Variants in PLAC1 observed in about 807,000 individuals in gnomAD.
The protein encoded by PLAC1 is placenta associated 1.
For synonymous variants in PLAC1, 68 were observed against 62.1 expected, an observed-to-expected ratio of 1.09 and a Z score of -0.44; for missense variants, 136 against 163.2, an observed-to-expected ratio of 0.83 and a Z score of 0.91.
chrX:134,653,515 G>A (rs2078374261), intron 1 of PLAC1, among the ~76,000 whole-genome samples: 1 of 111,654 alleles, frequency 9.0e-6, no homozygotes, highest in South Asian at 3.8e-4. Context: ...GCCATTGTGG[G>A]TCCCTAAAAT....
intron 2 of PLAC1, among the ~76,000 whole-genome samples, chrX:134,703,152 G>A (rs1013046748): frequency 8.9e-6 from 1 of 111,820 alleles, no homozygotes; most frequent in Admixed American, 9.5e-5. Flanking sequence ...TGAAAGCAAT[G>A]TATTATGAAT....
At chrX:134,636,218 A>G (rs1417047700) in intron 1 of PLAC1, among the ~76,000 whole-genome samples, 1 of 112,519 alleles carries the variant, frequency 8.9e-6, no homozygotes, top group Non-Finnish European at 1.9e-5. Context: ...CAATGCTTAC[A>G]GAAAGTAGCC....
chrX:134,569,597 C>T (rs2077894774), intron 2 of PLAC1, among the ~76,000 whole-genome samples: 2 of 111,218 alleles, frequency 1.8e-5, no homozygotes, highest in Admixed American at 1.9e-4. Context: ...AGGGGGAAAG[C>T]AGAATGTACT....
At chrX:134,738,071 G>A (rs752278900) in intron 1 of PLAC1, among the ~76,000 whole-genome samples, 42 of 111,759 alleles carry the variant, frequency 3.8e-4, no homozygotes, top group African/African-American at 1.3e-3. Context: ...GAGAGCCATC[G>A]GGGCTTCTTG....
At position 134,589,518 on chromosome X, in the gene PLAC1, C is replaced by T. The variant is rs189916260; in HGVS notation, c.-59+12533G>A. 1.4e-3 allele frequency among the ~76,000 whole-genome samples: 149 copies of T among 109,423 alleles called. No homozygotes were observed. The Middle Eastern group carries it at 0.076, about 56-fold the overall frequency. On this transcript the variant is annotated intron_variant, in intron 2 of 2. Coordinates refer to ENST00000359237, the MANE Select transcript of PLAC1 (RefSeq NM_021796.4). Reference sequence around the variant, plus strand: ...TTTGGGAGTGGATCACTTGAGGTCACGAGTTCGAGACCAGCCTGGCCAACA... The same window carrying T: ...TTTGGGAGTGGATCACTTGAGGTCATGAGTTCGAGACCAGCCTGGCCAACA...
intron 2 of PLAC1, chrX:134,601,611 C>G (rs1185649929): frequency 8.9e-6 from 1 of 112,303 alleles, no homozygotes; most frequent in African/African-American, 3.2e-5. Context: ...GCATTAGACT[C>G]TCTCCTGTTA....
chrX:134,622,829 C>T lies in PLAC1; in HGVS notation c.-130-20707G>A, dbSNP rs2078217882. On this transcript the variant is annotated intron_variant, in intron 1 of 2. Transcript: ENST00000359237. ...ATGACCTCTAAGGGTTCTTCCTGCT[C>T]TGGTGGTCTATGAAACAATCTAGGA... Among the ~76,000 whole-genome samples the T allele has an allele frequency of 2.7e-5, 3 of 111,981 alleles. No individual in the cohort carries two copies. The South Asian group carries it at 1.1e-3, about 42-fold the overall frequency.
intron 2 of PLAC1, among the ~76,000 whole-genome samples, chrX:134,676,008 G>A (rs970372902): frequency 2.7e-5 from 3 of 111,778 alleles, no homozygotes; most frequent in African/African-American, 9.8e-5. Flanking sequence ...ACCCTTCCAT[G>A]CCCCTTGCTG....
chrX:134,705,309 C>T (rs949095375), intron 2 of PLAC1, among the ~76,000 whole-genome samples: 1 of 103,588 alleles, frequency 9.7e-6, no homozygotes, highest in East Asian at 3.0e-4. Context: ...ATCCCAGCTA[C>T]TCGGGAGGCT....
At chrX:134,701,756 G>A (rs753114081) in intron 2 of PLAC1, among the ~76,000 whole-genome samples, 4 of 112,366 alleles carry the variant, frequency 3.6e-5, no homozygotes, top group Non-Finnish European at 7.5e-5. Context: ...AGTGGCTCAC[G>A]CCTGTAATCC....
chrX:134,663,206 T>G (rs949126392), upstream of PLAC1, among the ~76,000 whole-genome samples: 1 of 112,461 alleles, frequency 8.9e-6, no homozygotes, highest in African/African-American at 3.2e-5. Flanking sequence ...TTTGTTGTTT[T>G]GCTTTTGTCT....
chrX:134,744,966 G>T lies in PLAC1; in HGVS notation n.90-11447C>A, dbSNP rs753235459. Reference sequence around the variant, plus strand: ...CAGTCTCCCAGAGTCTCCACTGGGTGATCTGGGAGTCCCTGTCTCAAGGAC... The same window carrying T: ...CAGTCTCCCAGAGTCTCCACTGGGTTATCTGGGAGTCCCTGTCTCAAGGAC... On this transcript the variant is annotated intron_variant and non_coding_transcript_variant, in intron 1 of 2. Transcript: ENST00000466797. Among the ~76,000 whole-genome samples the T allele has an allele frequency of 8.1e-4, 90 of 111,493 alleles. 1 individual carries two copies. The highest frequency in any genetic ancestry group is 1.2e-3 in the Non-Finnish European group (64 of 53,102).
Position 134,604,160 on chromosome X carries a change from C to T in PLAC1, c.-130-2038G>A, listed in dbSNP as rs1162420753. On this transcript the variant is annotated intron_variant, in intron 1 of 2. Coordinates refer to ENST00000359237, the MANE Select transcript of PLAC1 (RefSeq NM_021796.4). Reference sequence around the variant, plus strand: ...CTGACAAAAATTCCCTTGGACAACACCAGGGGTGTAATTCACATGCTGAAA... The same window carrying T: ...CTGACAAAAATTCCCTTGGACAACATCAGGGGTGTAATTCACATGCTGAAA... Among the ~76,000 whole-genome samples the T allele has an allele frequency of 4.4e-5, 5 of 112,516 alleles. 1 individual carries two copies. Among genetic ancestry groups the T allele is most frequent in the African/African-American group, 1.6e-4 (5 of 30,981 alleles).
At chrX:134,693,303 T>G (rs1002047656) in intron 2 of PLAC1, among the ~76,000 whole-genome samples, 1 of 111,410 alleles carries the variant, frequency 9.0e-6, no homozygotes, top group African/African-American at 3.3e-5. Flanking sequence ...CATGAACCCC[T>G]CCCTGCCAAT....
At chrX:134,631,423 C>T (rs1461844557) in intron 1 of PLAC1, among the ~76,000 whole-genome samples, 4 of 112,062 alleles carry the variant, frequency 3.6e-5, no homozygotes, top group Admixed American at 2.8e-4. Context: ...GTGGAAGCCA[C>T]GGATGGCCCT....
intron 1 of PLAC1, among the ~76,000 whole-genome samples, chrX:134,633,855 T>C (rs1044765355): frequency 9.0e-6 from 1 of 111,359 alleles, no homozygotes; most frequent in African/African-American, 3.3e-5. Context: ...TTCTCAGACT[T>C]GACTCCTAGA....
intron 1 of PLAC1, among the ~76,000 whole-genome samples, chrX:134,636,119 C>G (rs925044042): frequency 1.8e-5 from 2 of 110,303 alleles, no homozygotes; most frequent in Non-Finnish European, 3.8e-5. Flanking sequence ...TTGTTCCTAC[C>G]CCAAATCCCA....
chrX:134,705,349 C>T (rs1602925350), intron 2 of PLAC1, among the ~76,000 whole-genome samples: 2 of 95,170 alleles, frequency 2.1e-5, no homozygotes, highest in South Asian at 1.1e-3. Context: ...ACACAGGAGG[C>T]GGAGGTTGCA....
chrX:134,637,390 A>G (rs1177763867), intron 1 of PLAC1, among the ~76,000 whole-genome samples: 2 of 111,786 alleles, frequency 1.8e-5, no homozygotes, highest in East Asian at 2.8e-4. Flanking sequence ...CCTATTTGCA[A>G]GTATTCTTCT....
Sources: gnomAD v4.1 joint callset for allele counts (sites outside exome capture counted in the v4.1 genomes callset) on GRCh38, gnomAD v4.1.1 for gene constraint, MANE v1.5 for transcripts, NCBI Gene and HGNC (gene_info 2026-07-23, HGNC 2026-07-21) for gene names.